Variants in PRKDC observed in about 807,000 individuals in gnomAD.
PRKDC encodes DNA-dependent protein kinase catalytic subunit.
In PRKDC, 82 loss-of-function variants were observed where a neutral mutation model predicts 486.9. The ratio of observed to expected loss-of-function variants is 0.17; its 90% CI spans 0.14 to 0.20. The LOEUF is 0.20. Among genes scored for constraint, PRKDC ranks in the 10% least tolerant of loss-of-function variants. The pLI is 1.00. For synonymous variants in PRKDC, 1,895 were observed against 1,837.0 expected (o/e 1.03, Z -0.81); for missense variants, 4,504 against 5,038.2 (o/e 0.89, Z 3.21).
rs370201231 is a variant in PRKDC at position 47,858,928 on chromosome 8, T to C, written c.6266A>G (p.Asn2089Ser). ...CAGGGGCGCCATGCACTCATGCCGATTGAGCTCGTCCATCTCCAGCTCCAG... is the reference window on the plus strand; with the variant it reads ...CAGGGGCGCCATGCACTCATGCCGACTGAGCTCGTCCATCTCCAGCTCCAG... ...DVLELEMDEL[N>S]RHECMAPLTA... The change falls in exon 47 of 86, where the codon AAT becomes AGT. Residue 2089 changes from asparagine to serine, a missense_variant. This residue lies in a region of PRKDC where 1,592 missense variants were observed against 1,724.6 expected (regional missense o/e 0.92). Transcript: ENST00000314191. The C allele has an allele frequency of 1.1e-5, 17 of 1,613,662 alleles. No homozygotes were observed. Among genetic ancestry groups the C allele is most frequent in the African/African-American group, 8.0e-5 (6 of 74,910 alleles).
At chr8:47,876,351 A>C (rs2089092306) in intron 40 of PRKDC, among the ~76,000 whole-genome samples, 1 of 152,130 alleles carries the variant, frequency 6.6e-6, no homozygotes, top group Admixed American at 6.6e-5. Flanking sequence ...CCATGGCATC[A>C]AACCCTTACT....
intron 27 of PRKDC, among the ~76,000 whole-genome samples, chr8:47,901,747 T>G (rs1563794453): frequency 6.6e-6 from 1 of 151,866 alleles, no homozygotes; most frequent in Non-Finnish European, 1.5e-5. Context: ...GTCTGGCACA[T>G]CATTTTTTTT....
rs1200700925 is a variant in PRKDC at position 47,840,146 on chromosome 8, T to C, written c.7324A>G (p.Met2442Val). Residue 2442 changes from methionine to valine, a missense_variant, in exon 55 of 86, where the codon ATG becomes GTG. Coordinates refer to ENST00000314191, the MANE Select transcript of PRKDC (RefSeq NM_006904.7). ...QKVCLDIIYKMMPKLKPVELR... is the reference protein window; with the variant it reads ...QKVCLDIIYKVMPKLKPVELR... ...TCTACTGGTTTTAACTTTGGCATCA[T>C]CTTATAAATTATGTCCAAACATACT... 10 of 1,600,852 alleles carry C rather than the reference T, an allele frequency of 6.2e-6. No homozygotes were observed. The highest frequency in any genetic ancestry group is 4.0e-5 in the African/African-American group (3 of 74,856).
chr8:47,855,911 A>G (rs933814201), intron 49 of PRKDC, among the ~76,000 whole-genome samples: 4 of 151,576 alleles, frequency 2.6e-5, no homozygotes, highest in Non-Finnish European at 5.9e-5. Context: ...TTAGCCTCTC[A>G]CTCCCATGAC....
chr8:47,908,624 G>A (rs2089837000), intron 25 of PRKDC, among the ~76,000 whole-genome samples: 1 of 152,142 alleles, frequency 6.6e-6, no homozygotes, highest in South Asian at 2.1e-4. Context: ...AAACATCTAT[G>A]CACATGTCAA....
rs2154497511 is a variant in PRKDC, at chr8:47,782,310, G to A, written c.11397-56C>T. The stretch of plus-strand genomic sequence containing the variant: ...AACCCAAACTGCTCTTTCTTCACTA[G>A]AAAAACAGTCCCGTGGACGCCAAGC... On this transcript the variant is annotated intron_variant, in intron 79 of 85. Transcript: ENST00000314191. This position sits in a 1 kb window ranked among gnomAD's most constrained non-coding sequence, Gnocchi z 4.9. 1 of 1,611,678 alleles carries A rather than the reference G, an allele frequency of 6.2e-7. No individual in the cohort carries two copies. Among genetic ancestry groups the A allele is most frequent in the Non-Finnish European group, 8.5e-7 (1 of 1,177,954 alleles).
intron 58 of PRKDC, among the ~76,000 whole-genome samples, chr8:47,834,951 A>G (rs1222583447): frequency 6.6e-6 from 1 of 152,018 alleles, no homozygotes; most frequent in Non-Finnish European, 1.5e-5. Flanking sequence ...CGGCCGCCCA[A>G]AGTGCTGGGA....
chr8:47,830,294 A>C (rs1317676900), intron 61 of PRKDC, among the ~76,000 whole-genome samples: 1 of 152,226 alleles, frequency 6.6e-6, no homozygotes, highest in East Asian at 1.9e-4. Context: ...CCTGAGTGCT[A>C]GGTACAAATT....
chr8:47,776,415 A>G (rs932161471), intron 85 of PRKDC, among the ~76,000 whole-genome samples: 7 of 152,224 alleles, frequency 4.6e-5, no homozygotes, highest in Admixed American at 3.9e-4. Context: ...CTAACCTAAA[A>G]GCCAACCCAA....
chr8:47,849,727 C>G (rs181408977), intron 52 of PRKDC, among the ~76,000 whole-genome samples: 25 of 152,316 alleles, frequency 1.6e-4, no homozygotes. Flanking sequence ...CCTCGGTGAG[C>G]CAGTCCACAT....
At chr8:47,927,141 T>C in intron 21 of PRKDC, 53 bp downstream of exon 21, 1 of 1,544,972 alleles carries the variant, frequency 6.5e-7, no homozygotes. Flanking sequence ...CTATTATAGT[T>C]ACTCCATTTC....
In PRKDC at chr8:47,836,399, T is replaced by G. The variant is rs371778650; in HGVS notation, c.7890A>C (p.Pro2630=). Residue 2630 remains proline (P), a synonymous_variant, in exon 58 of 86, where the codon CCA becomes CCC. Transcript: ENST00000314191. ...GGGTGGCCCTTATCTGCCCTGCCAC[T>G]GGCCAGCGAGCTGAGAGGGACCCTT... The part of the protein sequence containing the change: ...TQEGSLSARW[P]VAGQIRATQQ... 6.2e-7 allele frequency: 1 copy of G among 1,611,506 alleles called. No individual in the cohort carries two copies. Among genetic ancestry groups the G allele is most frequent in the African/African-American group, 1.3e-5 (1 of 74,842 alleles).
In PRKDC at chr8:47,773,868, G is replaced by T. The variant is rs1399603998; in HGVS notation, c.*305C>A. The T allele has an allele frequency of 3.7e-6, 1 of 270,894 alleles. No individual in the cohort carries two copies. Among genetic ancestry groups the T allele is most frequent in the Non-Finnish European group, 7.0e-6 (1 of 143,432 alleles). The allele number at this position is 270,894 out of a possible 1,614,324, so 16.8% of individuals were successfully genotyped here. A position where few individuals can be genotyped will look rare whatever the true frequency, so the allele number is the denominator to read the frequency against. On this transcript the variant is annotated 3_prime_UTR_variant, in exon 86 of 86. Transcript: ENST00000314191. The stretch of plus-strand genomic sequence containing the variant: ...GAGACAGCTGTTTCACTAACTTGCA[G>T]CACTTGTAAATGCTTTGAAAGCTGA...
At chr8:47,792,730 T>C (rs986697434) in intron 74 of PRKDC, among the ~76,000 whole-genome samples, 5 of 152,052 alleles carry the variant, frequency 3.3e-5, no homozygotes, top group African/African-American at 9.7e-5. Context: ...CCCATAAACA[T>C]AGACACCTAC....
Position 47,837,361 on chromosome 8 carries a change from G to A in PRKDC, c.7612C>T (p.Arg2538Trp), listed in dbSNP as rs375122519. ...ETRLPSNTLDRLLALNSLYSP... is the reference protein window; with the variant it reads ...ETRLPSNTLDWLLALNSLYSP... ...TATAAGGAATTTAGTGCCAGCAACC[G>A]GTCCAAGGTATTTGAAGGTAACCTA... is the stretch of plus-strand genomic sequence containing the variant. Residue 2538 changes from arginine (R) to tryptophan (W), a missense_variant, in exon 57 of 86, where the codon CGG (arginine) becomes TGG (tryptophan). By Grantham distance (101) the Arg-to-Trp change is moderately radical. Transcript: ENST00000314191. The A allele has an allele frequency of 5.0e-6, 8 of 1,612,796 alleles. No individual in the cohort carries two copies. The highest frequency in any genetic ancestry group is 6.8e-6 in the Non-Finnish European group (8 of 1,178,946).
At chr8:47,812,550 G>A (rs973548204) in intron 68 of PRKDC, among the ~76,000 whole-genome samples, 1 of 152,098 alleles carries the variant, frequency 6.6e-6, no homozygotes, top group African/African-American at 2.4e-5. Flanking sequence ...AGAAAAATAC[G>A]TTGAACTGAA....
chr8:47,914,176 T>C, intron 23 of PRKDC, 112 bp from the exon 24 acceptor site: 1 of 893,066 alleles, frequency 1.1e-6, no homozygotes, highest in East Asian at 3.2e-5. Flanking sequence ...TCTATTAAAG[T>C]GAAGCACTTC....
intron 11 of PRKDC, 23 bp from the exon 12 acceptor site, chr8:47,936,540 G>T (rs747023746): frequency 1.9e-6 from 3 of 1,612,468 alleles, no homozygotes; most frequent in Non-Finnish European, 2.5e-6. Flanking sequence ...TAAAACAGAA[G>T]TCTTCATCAA....
At chr8:47,950,783 T>C (rs2090614919) in intron 7 of PRKDC, among the ~76,000 whole-genome samples, 1 of 151,950 alleles carries the variant, frequency 6.6e-6, no homozygotes, top group African/African-American at 2.4e-5. Context: ...AGGAGTTCAA[T>C]ACCAGCCTGG....
Sources: gnomAD v4.1 joint callset for allele counts (sites outside exome capture counted in the v4.1 genomes callset) on GRCh38, gnomAD v4.1.1 for gene constraint, gnomAD v4.1.1 regional missense constraint, Gnocchi (gnomAD v3.1) non-coding constraint, MANE v1.5 for transcripts, NCBI Gene and HGNC (gene_info 2026-07-23, HGNC 2026-07-21) for gene names.